HHIP: variants seen among roughly 807,000 people sequenced by gnomAD.
HHIP encodes hedgehog-interacting protein.
Under a neutral mutation model 74.0 loss-of-function variants are expected in HHIP, and 12 were observed. The ratio of observed to expected loss-of-function variants is 0.16; its 90% CI spans 0.10 to 0.26. HHIP has a LOEUF of 0.26. Ranked by LOEUF, HHIP falls within the 10% of genes least tolerant of loss-of-function variation. HHIP has a pLI of 1.00. For synonymous variants in HHIP, 309 were observed against 311.6 expected (o/e 0.99, Z 0.09); for missense variants, 788 against 845.0 (o/e 0.93, Z 0.84).
chr4:144,707,297 T>C (rs774046299), intron 6 of HHIP, 37 bp downstream of exon 6: 2 of 1,505,138 alleles, frequency 1.3e-6, no homozygotes, highest in Non-Finnish European at 1.8e-6. Context: ...CTCTCAAGGT[T>C]AAAATAGTTT....
chr4:144,691,907 T>A (rs879606881), intron 4 of HHIP, among the ~76,000 whole-genome samples: 63 of 149,608 alleles, frequency 4.2e-4, no homozygotes, highest in Non-Finnish European at 6.5e-4. Context: ...AAAAAAAAAA[T>A]TTTCCTATTA....
intron 4 of HHIP, among the ~76,000 whole-genome samples, chr4:144,706,245 C>T (rs3733422): frequency 0.57 from 85,857 of 151,568 alleles, 24,489 homozygotes; most frequent in South Asian, 0.76. Flanking sequence ...TAAACTTGTC[C>T]TCCTAGCGGC....
rs1024800915 is a variant in HHIP at position 144,702,681 on chromosome 4, T to G, written c.832-3850T>G. Among the ~76,000 whole-genome samples, 20 of 152,020 alleles carry G rather than the reference T, an allele frequency of 1.3e-4. No homozygotes were observed. In the East Asian group the frequency reaches 2.9e-3, roughly 22 times the overall value. ...ATGAGGTTCAAGTCAGTAAGTTGTT[T>G]TTTTTTTTTTAAAGCATTACCAAAC... On this transcript the variant is annotated intron_variant, in intron 4 of 12. Coordinates refer to ENST00000296575, the MANE Select transcript of HHIP (RefSeq NM_022475.3).
rs1241800668 is a variant in HHIP, at chr4:144,743,452, C to T, written c.*5495C>T. The stretch of plus-strand genomic sequence containing the variant: ...AGCCTTGTGCTTAAAACCTGTTATT[C>T]TTCTTTGAGCCAGACTAAACAGTAA... On this transcript the variant is annotated 3_prime_UTR_variant, in exon 13 of 13. Transcript: ENST00000296575. 1 of 152,014 alleles carries T rather than the reference C, an allele frequency of 6.6e-6. No homozygotes were observed. Among genetic ancestry groups the T allele is most frequent in the Non-Finnish European group, 1.5e-5 (1 of 67,920 alleles). The allele number at this position is 152,014 out of a possible 1,614,324, so 9.4% of individuals were successfully genotyped here. A position where few individuals can be genotyped will look rare whatever the true frequency, so the allele number is the denominator to read the frequency against.
intron 5 of HHIP, 137 bp downstream of exon 5, chr4:144,706,819 G>A (rs74730596): frequency 0.014 from 10,842 of 790,292 alleles, 97 homozygotes; most frequent in Non-Finnish European, 0.017. Context: ...CCATCTTGCT[G>A]AAAACTCCAT....
At chr4:144,693,705 A>G (rs1016719307) in intron 4 of HHIP, among the ~76,000 whole-genome samples, 6 of 151,994 alleles carry the variant, frequency 3.9e-5, no homozygotes, top group African/African-American at 1.4e-4. Context: ...AGATATGTAT[A>G]ATGTATAGTT....
At chr4:144,679,600 GT>G (rs1729278117) in intron 4 of HHIP, among the ~76,000 whole-genome samples, 1 of 152,122 alleles carries the variant, frequency 6.6e-6, no homozygotes, top group African/African-American at 2.4e-5. Context: ...TGGCTAGCCA[GT>G]TTTCCCAACA....
Position 144,716,854 on chromosome 4 carries a change from G to GAAAAAA in HHIP, c.1678+1453_1678+1458dup, listed in dbSNP as rs869028218. Among the ~76,000 whole-genome samples, 493 of 54,670 alleles carry GAAAAAA rather than the reference G, an allele frequency of 9.0e-3. 19 individuals are homozygous for GAAAAAA. Among genetic ancestry groups the GAAAAAA allele is most frequent in the Non-Finnish European group, 0.011 (329 of 29,376 alleles). 35.9% of individuals were successfully genotyped at this position (54,670 alleles called of 152,430 possible). A position where few individuals can be genotyped will look rare whatever the true frequency, so the allele number is the denominator to read the frequency against. On this transcript the variant is annotated intron_variant, in intron 10 of 12. Transcript: ENST00000296575. Reference sequence around the variant, plus strand: ...ACATGAGCAAAACTCCGTCTCAAAAGAAAAAAAAAAAAAAAAAAAAAAAAA... The same window carrying GAAAAAA: ...ACATGAGCAAAACTCCGTCTCAAAAGAAAAAAAAAAAAAAAAAAAAAAAAAAAAAAA...
intron 11 of HHIP, among the ~76,000 whole-genome samples, chr4:144,726,277 T>C (rs946583203): frequency 1.3e-5 from 2 of 152,142 alleles, no homozygotes; most frequent in African/African-American, 2.4e-5. Context: ...ACAGATATAA[T>C]CCAAGATTTC....
chr4:144,718,076 T>C (rs1156913517), intron 10 of HHIP, among the ~76,000 whole-genome samples: 1 of 152,212 alleles, frequency 6.6e-6, no homozygotes, highest in Non-Finnish European at 1.5e-5. Context: ...ATGAAATTTA[T>C]ATTGTACAGG....
intron 11 of HHIP, among the ~76,000 whole-genome samples, chr4:144,722,024 G>A (rs1295518882): frequency 6.6e-6 from 1 of 152,068 alleles, no homozygotes; most frequent in Non-Finnish European, 1.5e-5. Context: ...CTTATGGCAG[G>A]GCAGAGTTAG....
At chr4:144,664,781 A>G (rs574783241) in intron 4 of HHIP, among the ~76,000 whole-genome samples, 72 of 152,334 alleles carry the variant, frequency 4.7e-4, no homozygotes, top group African/African-American at 1.6e-3. Context: ...AAATATTACA[A>G]TAGAAGAATC....
Position 144,734,834 on chromosome 4 carries a change from C to T in HHIP, c.1854C>T (p.Thr618=), listed in dbSNP as rs199675746. ...GGCTCTGTCGAAACGGCTACTGCAC[C>T]CCCACGGGAAAGTGCTGCTGCAGTC... is the stretch of plus-strand genomic sequence containing the variant. ...CSRLCRNGYC[T]PTGKCCCSPG... The change falls in exon 12 of 13, where the codon ACC becomes ACT. Residue 618 remains threonine, a synonymous_variant. Transcript: ENST00000296575. The T allele has an allele frequency of 6.2e-7, 1 of 1,612,778 alleles. No individual in the cohort carries two copies. Among genetic ancestry groups the T allele is most frequent in the Admixed American group, 1.7e-5 (1 of 59,996 alleles).
At chr4:144,665,298 G>A (rs983195701) in intron 4 of HHIP, among the ~76,000 whole-genome samples, 6 of 152,086 alleles carry the variant, frequency 3.9e-5, no homozygotes, top group Non-Finnish European at 8.8e-5. Context: ...CAAACTCCTG[G>A]ACTCAAGCAA....
rs61730970 is a variant in HHIP, at chr4:144,659,714, G to A, written c.707G>A (p.Gly236Glu). ...CAGCCCGTTGGTGCCCTGCATAGTGGGGATGGCTCGCAACGTCTCTTCATT... is the reference window on the plus strand; with the variant it reads ...CAGCCCGTTGGTGCCCTGCATAGTGAGGATGGCTCGCAACGTCTCTTCATT... ...LRQPVGALHS[G>E]DGSQRLFILE... The change falls in exon 4 of 13, where the codon GGG (glycine) becomes GAG (glutamate). Residue 236 changes from glycine (G) to glutamate (E), a missense_variant. Physicochemically the swap from Gly to Glu is moderately conservative, Grantham distance 98 (BLOSUM62 -2). This residue lies in a region of HHIP where 373 missense variants were observed against 366.4 expected (regional missense o/e 1.02). Transcript: ENST00000296575. The A allele has an allele frequency of 3.9e-3, 6,314 of 1,609,180 alleles. 216 individuals are homozygous for A. The African/African-American group carries it at 0.072, about 18-fold the overall frequency.
intron 4 of HHIP, among the ~76,000 whole-genome samples, chr4:144,671,182 G>T (rs957432707): frequency 1.3e-5 from 2 of 152,246 alleles, no homozygotes; most frequent in Admixed American, 1.3e-4. Context: ...TACACCCGAG[G>T]TGTCTATGTA....
intron 4 of HHIP, among the ~76,000 whole-genome samples, chr4:144,699,876 G>A (rs976792539): frequency 1.3e-5 from 2 of 152,060 alleles, no homozygotes; most frequent in Non-Finnish European, 2.9e-5. Flanking sequence ...ATTGAAAAGC[G>A]ATGCTTCTTA....
At chr4:144,658,070 C>T (rs746773608) in intron 2 of HHIP, among the ~76,000 whole-genome samples, 8 of 152,036 alleles carry the variant, frequency 5.3e-5, no homozygotes, top group Non-Finnish European at 8.8e-5. Context: ...CTGTCTCCTT[C>T]TTGATTCTTG....
rs534339411 is a variant in HHIP, at chr4:144,708,084, C to G, written c.1158-84C>G. 373 of 1,415,784 alleles carry G rather than the reference C, an allele frequency of 2.6e-4. 1 individual carries two copies. In the Middle Eastern group the frequency reaches 3.6e-3, roughly 14 times the overall value. The allele number at this position is 1,415,784 out of a possible 1,614,324, so 87.7% of individuals were successfully genotyped here. On this transcript the variant is annotated intron_variant, in intron 6 of 12. Transcript: ENST00000296575. ...TCAACTAAGGGGATGATTTTTTCAT[C>G]AATAGAGCAACCTCACCATATTTAA... is the stretch of plus-strand genomic sequence containing the variant.
Sources: allele counts gnomAD v4.1 joint callset (sites outside exome capture counted in the v4.1 genomes callset), GRCh38; gene constraint gnomAD v4.1.1; regional missense constraint gnomAD v4.1.1; transcripts MANE v1.5; gene names NCBI Gene and HGNC (gene_info 2026-07-23, HGNC 2026-07-21).